Variants in CEP112 observed in about 807,000 individuals in gnomAD.
CEP112 encodes the protein centrosomal protein 112, also known as centrosomal protein of 112 kDa.
A neutral mutation model predicts 153.0 loss-of-function variants in CEP112; 127 were observed. The observed-to-expected ratio is 0.83, with a 90% CI of 0.72 to 0.96. CEP112 has a LOEUF of 0.96. Ranked by LOEUF, CEP112 falls within the 40% of genes least tolerant of loss-of-function variation. CEP112 has a pLI of 0.00. For missense variants in CEP112, 1,089 were observed against 1,101.2 expected (o/e 0.99, Z 0.16); for synonymous variants, 358 against 374.4 (o/e 0.96, Z 0.51).
chr17:65,948,645 C>T (rs2061720445), intron 18 of CEP112, among the ~76,000 whole-genome samples: 1 of 151,656 alleles, frequency 6.6e-6, no homozygotes, highest in African/African-American at 2.4e-5. Context: ...AAAATATGTA[C>T]ATTTTACACA....
chr17:65,887,693 G>A (rs761754543), intron 20 of CEP112, among the ~76,000 whole-genome samples: 2 of 152,158 alleles, frequency 1.3e-5, no homozygotes, highest in African/African-American at 4.8e-5. Flanking sequence ...AAGAGACCTA[G>A]GAAGCAGAGA....
At chr17:65,685,679 T>A (rs1400826295) in intron 24 of CEP112, among the ~76,000 whole-genome samples, 2 of 147,558 alleles carry the variant, frequency 1.4e-5, no homozygotes, top group Non-Finnish European at 3.0e-5. Flanking sequence ...TTTTTTTTTT[T>A]TTTTTTTTTT....
intron 12 of CEP112, among the ~76,000 whole-genome samples, 162 bp downstream of exon 12, chr17:66,053,574 C>T (rs1482244364): frequency 6.6e-6 from 1 of 152,186 alleles, no homozygotes; most frequent in Non-Finnish European, 1.5e-5. Flanking sequence ...CTTCAAGGGT[C>T]TGTCCATGGC....
chr17:65,971,616 T>C (rs2062828825), intron 17 of CEP112, among the ~76,000 whole-genome samples: 3 of 151,944 alleles, frequency 2.0e-5, no homozygotes, highest in South Asian at 2.1e-4. Context: ...GCATATTATA[T>C]GTATATCCCA....
chr17:66,065,465 C>G (rs2067079169), intron 10 of CEP112, among the ~76,000 whole-genome samples: 1 of 151,914 alleles, frequency 6.6e-6, no homozygotes, highest in East Asian at 1.9e-4. Context: ...CCCTCCATTA[C>G]CAGGCTACTC....
intron 21 of CEP112, among the ~76,000 whole-genome samples, chr17:65,833,238 C>T (rs1449796194): frequency 6.6e-6 from 1 of 151,648 alleles, no homozygotes; most frequent in Non-Finnish European, 1.5e-5. Flanking sequence ...ATAACAAACC[C>T]ACCACCAATA....
At chr17:65,767,582 A>C (rs1199991636) in intron 21 of CEP112, among the ~76,000 whole-genome samples, 3 of 152,048 alleles carry the variant, frequency 2.0e-5, no homozygotes, top group Non-Finnish European at 4.4e-5. Context: ...CAATAAAACT[A>C]AGAGTTGGTT....
chr17:66,052,886 C>T (rs1331586617), intron 12 of CEP112, among the ~76,000 whole-genome samples: 5 of 152,136 alleles, frequency 3.3e-5, no homozygotes, highest in Admixed American at 2.6e-4. Context: ...GCGGGCAGAT[C>T]GCTTGAGTCC....
At chr17:65,668,809 A>T (rs1163041322) in intron 24 of CEP112, among the ~76,000 whole-genome samples, 1 of 152,210 alleles carries the variant, frequency 6.6e-6, no homozygotes, top group Non-Finnish European at 1.5e-5. Flanking sequence ...ACTTTTGAAC[A>T]GGCTGTTTTC....
At chr17:65,966,202 G>A (rs972037688) in intron 17 of CEP112, among the ~76,000 whole-genome samples, 2 of 152,008 alleles carry the variant, frequency 1.3e-5, no homozygotes, top group Non-Finnish European at 2.9e-5. Context: ...AGTATATAAA[G>A]GATAAAGAAA....
chr17:65,881,124 A>G (rs558425919), intron 20 of CEP112, among the ~76,000 whole-genome samples: 89 of 152,150 alleles, frequency 5.8e-4, no homozygotes, highest in Non-Finnish European at 5.3e-4. Context: ...CTGAGGCAGG[A>G]GAATCACACT....
At chr17:65,767,564 G>GA (rs34052729) in intron 21 of CEP112, among the ~76,000 whole-genome samples, 8 of 150,664 alleles carry the variant, frequency 5.3e-5, no homozygotes, top group South Asian at 2.1e-4. Flanking sequence ...AAAACCACAG[G>GA]AAAAAAACAA....
At chr17:66,135,762 G>T (rs2070404691) in intron 4 of CEP112, among the ~76,000 whole-genome samples, 1 of 151,890 alleles carries the variant, frequency 6.6e-6, no homozygotes, top group African/African-American at 2.4e-5. Context: ...CACTCTCAAA[G>T]TATCAATGCT....
At chr17:66,049,331 T>C (rs145404976) in intron 12 of CEP112, among the ~76,000 whole-genome samples, 3 of 152,316 alleles carry the variant, frequency 2.0e-5, no homozygotes, top group Non-Finnish European at 2.9e-5. Flanking sequence ...TACTTGCATA[T>C]ATATAATAAT....
chr17:65,925,037 T>A (rs2060871900), intron 19 of CEP112, among the ~76,000 whole-genome samples: 1 of 152,154 alleles, frequency 6.6e-6, no homozygotes, highest in Non-Finnish European at 1.5e-5. Flanking sequence ...GCTGGTGATA[T>A]GGTTTGGCTG....
chr17:65,944,189 A>G lies in CEP112; in HGVS notation c.1873-16500T>C, dbSNP rs543368889. Among the ~76,000 whole-genome samples, 3 of 152,346 alleles carry G rather than the reference A, an allele frequency of 2.0e-5. No homozygotes were observed. The South Asian group carries it at 6.2e-4, about 32-fold the overall frequency. On this transcript the variant is annotated intron_variant, in intron 18 of 26. Transcript: ENST00000535342. Reference sequence around the variant, plus strand: ...CACATAGACACAGGGAGGGGAGAGCATCAGGATAAATAGCTAATGCATGTG... The same window carrying G: ...CACATAGACACAGGGAGGGGAGAGCGTCAGGATAAATAGCTAATGCATGTG...
rs998376627 is a variant in CEP112 at position 65,994,691 on chromosome 17, G to A, written c.1736+10999C>T. ...ACAGAAAAATAGTTCTAGGAGAATA[G>A]GATGTGGGGGAAAATAGGAAACACA... is the stretch of plus-strand genomic sequence containing the variant. On this transcript the variant is annotated intron_variant, in intron 17 of 26. Transcript: ENST00000535342. Among the ~76,000 whole-genome samples, 5 of 152,136 alleles carry A rather than the reference G, an allele frequency of 3.3e-5. No homozygotes were observed. In the East Asian group the frequency reaches 9.6e-4, roughly 29 times the overall value.
chr17:66,128,104 C>T (rs148543678), intron 6 of CEP112, among the ~76,000 whole-genome samples: 149 of 152,044 alleles, frequency 9.8e-4, no homozygotes, highest in African/African-American at 3.5e-3. Flanking sequence ...GAGTTCGAGA[C>T]CAGCCTGACC....
chr17:66,015,454 T>A (rs995966025), intron 16 of CEP112, among the ~76,000 whole-genome samples: 5 of 152,222 alleles, frequency 3.3e-5, no homozygotes, highest in African/African-American at 1.2e-4. Flanking sequence ...AGTAATTTTA[T>A]TTTTCAAAAA....
Sources: gnomAD v4.1 joint callset for allele counts (sites outside exome capture counted in the v4.1 genomes callset) on GRCh38, gnomAD v4.1.1 for gene constraint, MANE v1.5 for transcripts, NCBI Gene and HGNC (gene_info 2026-07-23, HGNC 2026-07-21) for gene names.